The following NAV1 variants were observed in gnomAD, a reference collection of about 807,000 sequenced individuals.
NAV1 encodes the protein pore membrane and/or filament interacting like protein 3.
In NAV1, 18 loss-of-function variants were observed where a neutral mutation model predicts 175.2. That is an observed-to-expected ratio of 0.10 (90% CI 0.07 to 0.15). The LOEUF is 0.15. NAV1 is among the 10% of genes least tolerant of loss of function. NAV1 has a pLI of 1.00. For missense variants in NAV1, 1,731 were observed against 2,436.6 expected, an observed-to-expected ratio of 0.71 and a Z score of 6.10; for synonymous variants, 897 against 978.7, an observed-to-expected ratio of 0.92 and a Z score of 1.56.
intron 1 of NAV1, among the ~76,000 whole-genome samples, chr1:201,572,223 C>T (rs1311005634): frequency 1.8e-4 from 27 of 152,186 alleles, no homozygotes. Context: ...TGGTGGGCTT[C>T]TGCAGGGGCC....
intron 2 of NAV1, among the ~76,000 whole-genome samples, chr1:201,633,088 G>C (rs534571931): frequency 6.6e-6 from 1 of 152,288 alleles, no homozygotes; most frequent in South Asian, 2.1e-4. Flanking sequence ...AAACTTTATA[G>C]ATCTCCCAAA....
At chr1:201,670,375 C>T (rs1669991357) in intron 1 of NAV1, among the ~76,000 whole-genome samples, 1 of 96,166 alleles carries the variant, frequency 1.0e-5, no homozygotes, top group African/African-American at 4.5e-5. Context: ...AGCGAGACTC[C>T]ATCTCAAAAA....
At chr1:201,816,564 T>C (rs1041022592) in intron 28 of NAV1, among the ~76,000 whole-genome samples, 2 of 152,096 alleles carry the variant, frequency 1.3e-5, no homozygotes, top group Non-Finnish European at 2.9e-5. Flanking sequence ...ATCTGCTAAA[T>C]TATCCTCCAA....
chr1:201,612,443 C>T (rs540964), intron 2 of NAV1, among the ~76,000 whole-genome samples: 17,923 of 151,960 alleles, frequency 0.12, 1,700 homozygotes, highest in African/African-American at 0.26. Context: ...GACAGAGCTG[C>T]GACTCTGTCT....
chr1:201,574,328 T>A (rs759750844), intron 1 of NAV1, among the ~76,000 whole-genome samples: 1 of 151,974 alleles, frequency 6.6e-6, no homozygotes, highest in Non-Finnish European at 1.5e-5. Context: ...TCTGGAGAGA[T>A]CCAAGATTGC....
At chr1:201,573,189 C>T (rs1558002563) in intron 1 of NAV1, among the ~76,000 whole-genome samples, 1 of 152,252 alleles carries the variant, frequency 6.6e-6, no homozygotes, top group Non-Finnish European at 1.5e-5. Context: ...GACACCCTGA[C>T]TGATTCAAAG....
chr1:201,649,098 C>G lies in NAV1; in HGVS notation c.430C>G (p.His144Asp). The G allele has an allele frequency of 1.2e-6, 2 of 1,612,924 alleles. No homozygotes were observed. Among genetic ancestry groups the G allele is most frequent in the Non-Finnish European group, 1.7e-6 (2 of 1,179,726 alleles). ...GTCCAAGACGCTGTCCAAGTCGGAG[C>G]ACTCGCTCTTCCAGGCCAAGGGCAG... The change falls in exon 1 of 30, where the codon CAC becomes GAC. Residue 144 changes from histidine to aspartate, a missense_variant. By Grantham distance (81) the His-to-Asp change is moderately conservative. This residue lies in a region of NAV1 where 487 missense variants were observed against 581.3 expected (regional missense o/e 0.84). Transcript: ENST00000367296.
At position 201,808,230 on chromosome 1, in the gene NAV1, C is replaced by T. The variant is rs1678433088; in HGVS notation, c.3845+81C>T. 11 of 1,515,984 alleles carry T rather than the reference C, an allele frequency of 7.3e-6. No homozygotes were observed. Among genetic ancestry groups the T allele is most frequent in the Middle Eastern group, 2.1e-4 (1 of 4,878 alleles). 93.9% of individuals were successfully genotyped at this position (1,515,984 alleles called of 1,614,324 possible). A position where few individuals can be genotyped will look rare whatever the true frequency, so the allele number is the denominator to read the frequency against. The stretch of plus-strand genomic sequence containing the variant: ...TAGAGTTGACAGGAGGCCATTAGAC[C>T]TTAGACAAGCAGTACTTATTACTGA... On this transcript the variant is annotated intron_variant, in intron 18 of 29. Transcript: ENST00000367296. The surrounding 1 kb of genome is among the most constrained non-coding windows in gnomAD (Gnocchi z 5.5).
intron 17 of NAV1, among the ~76,000 whole-genome samples, chr1:201,806,244 A>G (rs1441448778): frequency 6.6e-6 from 1 of 152,088 alleles, no homozygotes; most frequent in Non-Finnish European, 1.5e-5. Context: ...CTCCGCCTCC[A>G]AAAGTGCAGG....
chr1:201,726,666 AT>A (rs1369658809), intron 3 of NAV1, among the ~76,000 whole-genome samples: 1 of 151,382 alleles, frequency 6.6e-6, no homozygotes, highest in African/African-American at 2.4e-5. Flanking sequence ...AAAAAAAAAA[AT>A]AGAAATCTAT....
chr1:201,802,457 T>TAAAAAAAAA (rs34494216), intron 15 of NAV1, among the ~76,000 whole-genome samples: 7 of 101,084 alleles, frequency 6.9e-5, no homozygotes, highest in African/African-American at 2.5e-4. Flanking sequence ...CCTGTCTCAT[T>TAAAAAAAAA]AAAAAAAAAA....
At chr1:201,784,741 T>G (rs1339273434) in intron 7 of NAV1, among the ~76,000 whole-genome samples, 5 of 151,738 alleles carry the variant, frequency 3.3e-5, no homozygotes, top group Admixed American at 3.3e-4. Flanking sequence ...ATGCCTTAAT[T>G]TCTTTTTTGT....
upstream of NAV1, among the ~76,000 whole-genome samples, chr1:201,620,576 A>G (rs903487761): frequency 6.9e-6 from 1 of 145,946 alleles, no homozygotes; most frequent in African/African-American, 2.6e-5. Context: ...CTCCTGCCTC[A>G]GCTTTTTGAG....
At chr1:201,825,095 T>A (rs543472755) in exon 30 of NAV1, 1 of 152,374 alleles carries the variant, frequency 6.6e-6, no homozygotes, top group East Asian at 1.9e-4. Context: ...TTTTTCCATT[T>A]ATGATTTTAA....
intron 1 of NAV1, among the ~76,000 whole-genome samples, chr1:201,698,311 C>T (rs1403012039): frequency 6.6e-6 from 1 of 152,220 alleles, no homozygotes; most frequent in African/African-American, 2.4e-5. Context: ...CCCCCATGCA[C>T]GGATGATGCC....
intron 13 of NAV1, 124 bp downstream of exon 17, chr1:201,790,890 C>T (rs1677071424): frequency 2.4e-6 from 2 of 820,724 alleles, no homozygotes; most frequent in Non-Finnish European, 3.9e-6. Flanking sequence ...GGGCATGCGT[C>T]TTCTTCACAG....
At chr1:201,561,199 C>T (rs1437274835) in intron 1 of NAV1, among the ~76,000 whole-genome samples, 1 of 152,146 alleles carries the variant, frequency 6.6e-6, no homozygotes, top group Non-Finnish European at 1.5e-5. Context: ...GGGACAGAGT[C>T]GGCAGTCCCT....
chr1:201,598,694 C>A (rs773807183), intron 2 of NAV1, among the ~76,000 whole-genome samples: 19 of 152,204 alleles, frequency 1.2e-4, no homozygotes, highest in Admixed American at 2.0e-4. Flanking sequence ...TGTCAATTGC[C>A]TTCCCCCGAC....
At chr1:201,731,987 G>A (rs569275810) in intron 3 of NAV1, among the ~76,000 whole-genome samples, 1 of 152,308 alleles carries the variant, frequency 6.6e-6, no homozygotes, top group African/African-American at 2.4e-5. Flanking sequence ...ATTTAGCCAG[G>A]GAAAATACAA....
Sources: gnomAD v4.1 joint callset for allele counts (sites outside exome capture counted in the v4.1 genomes callset) on GRCh38, gnomAD v4.1.1 for gene constraint, gnomAD v4.1.1 regional missense constraint, Gnocchi (gnomAD v3.1) non-coding constraint, MANE v1.5 for transcripts, NCBI Gene and HGNC (gene_info 2026-07-23, HGNC 2026-07-21) for gene names.